DPF3: variants seen among roughly 807,000 people sequenced by gnomAD.
The protein encoded by DPF3 is double PHD fingers 3, also known as zinc finger protein DPF3.
A neutral mutation model predicts 56.8 loss-of-function variants in DPF3; 18 were observed. The observed-to-expected ratio is 0.32, with a 90% CI of 0.22 to 0.47. The LOEUF (loss-of-function observed/expected upper bound fraction) is 0.47. Among genes scored for constraint, DPF3 ranks in the 20% least tolerant of loss-of-function variants. The pLI is 1.00. For synonymous variants in DPF3, 188 were observed against 180.2 expected (o/e 1.04, Z -0.35); for missense variants, 403 against 488.8 (o/e 0.82, Z 1.65).
chr14:72,893,620 G>A (rs1271777205), intron 1 of DPF3, among the ~76,000 whole-genome samples: 1 of 151,798 alleles, frequency 6.6e-6, no homozygotes, highest in African/African-American at 2.4e-5. Context: ...GCTCGGGGGC[G>A]CGGGGCTCGG....
At chr14:72,778,386 C>T (rs920332002) in intron 1 of DPF3, among the ~76,000 whole-genome samples, 1 of 152,178 alleles carries the variant, frequency 6.6e-6, no homozygotes, top group African/African-American at 2.4e-5. Context: ...AGGTTGCCCA[C>T]TCCTTATGAG....
intron 1 of DPF3, among the ~76,000 whole-genome samples, chr14:72,818,472 G>A (rs1191751991): frequency 1.3e-5 from 2 of 152,134 alleles, no homozygotes; most frequent in African/African-American, 4.8e-5. Flanking sequence ...TTGAGACCAG[G>A]AATTCCAGAC....
intron 1 of DPF3, chr14:72,836,427 C>T: frequency 2.0e-6 from 2 of 985,610 alleles, no homozygotes; most frequent in Non-Finnish European, 2.4e-6. Flanking sequence ...GATAAGCGCA[C>T]CCTCCTCCAT....
chr14:72,675,017 T>C (rs1886849258), intron 7 of DPF3, among the ~76,000 whole-genome samples: 1 of 152,138 alleles, frequency 6.6e-6, no homozygotes, highest in South Asian at 2.1e-4. Flanking sequence ...GTGCCTAAAA[T>C]CAGAACTAGA....
chr14:72,868,111 G>C (rs1247699831), intron 1 of DPF3, among the ~76,000 whole-genome samples: 1 of 152,138 alleles, frequency 6.6e-6, no homozygotes, highest in East Asian at 1.9e-4. Context: ...GATCTTTTGA[G>C]CCCTCAAAAA....
intron 1 of DPF3, among the ~76,000 whole-genome samples, chr14:72,854,941 C>T (rs914007413): frequency 5.3e-5 from 8 of 152,124 alleles, no homozygotes; most frequent in African/African-American, 1.9e-4. Context: ...CTCTCCTTTC[C>T]AAGACTAATT....
chr14:72,675,131 C>G (rs990466799), intron 7 of DPF3, among the ~76,000 whole-genome samples: 1 of 152,220 alleles, frequency 6.6e-6, no homozygotes, highest in Non-Finnish European at 1.5e-5. Context: ...TAACTGAACA[C>G]ACTAACTTCA....
At chr14:72,658,158 A>C (rs377411004) in intron 8 of DPF3, among the ~76,000 whole-genome samples, 7 of 152,274 alleles carry the variant, frequency 4.6e-5, no homozygotes, top group East Asian at 3.9e-4. Flanking sequence ...GTGTAATCAG[A>C]TTGTTCATAA....
chr14:72,763,069 TA>T, intron 2 of DPF3, among the ~76,000 whole-genome samples: 1 of 152,032 alleles, frequency 6.6e-6, no homozygotes, highest in Non-Finnish European at 1.5e-5. Flanking sequence ...ATCTATACAC[TA>T]AAAATTAAAA....
chr14:72,732,039 G>A (rs1889677477), intron 3 of DPF3, 105 bp from the exon 4 acceptor site: 7 of 1,422,802 alleles, frequency 4.9e-6, no homozygotes, highest in Admixed American at 4.7e-5. Context: ...AGGAGGACTC[G>A]GGGCCTGTGC....
At chr14:72,865,370 T>C (rs77933644) in intron 1 of DPF3, among the ~76,000 whole-genome samples, 108 of 152,194 alleles carry the variant, frequency 7.1e-4, no homozygotes, top group African/African-American at 2.3e-3. Context: ...AACCAGGCCA[T>C]GGGAGCATGA....
At chr14:72,834,606 A>G (rs1884210729) in intron 1 of DPF3, among the ~76,000 whole-genome samples, 1 of 152,118 alleles carries the variant, frequency 6.6e-6, no homozygotes, top group Non-Finnish European at 1.5e-5. Context: ...TGGAACACAA[A>G]ATGCCACAGT....
intron 1 of DPF3, among the ~76,000 whole-genome samples, chr14:72,810,239 C>T (rs1882978537): frequency 2.6e-5 from 4 of 152,308 alleles, no homozygotes; most frequent in Admixed American, 6.5e-5. Flanking sequence ...GCAACATACC[C>T]GCCCCATCCC....
intron 1 of DPF3, among the ~76,000 whole-genome samples, chr14:72,838,428 A>T (rs899232094): frequency 3.3e-5 from 5 of 152,158 alleles, no homozygotes; most frequent in African/African-American, 1.2e-4. Context: ...CAGGAGGCGG[A>T]GGTTGCCATG....
intron 9 of DPF3, among the ~76,000 whole-genome samples, chr14:72,621,140 CA>C (rs36094507): frequency 0.45 from 55,062 of 121,876 alleles, 10,534 homozygotes; most frequent in East Asian, 0.78. Context: ...GACTCTGTCT[CA>C]AAAAAAAAAA....
chr14:72,676,115 G>C (rs557310200), intron 7 of DPF3, among the ~76,000 whole-genome samples: 2 of 152,282 alleles, frequency 1.3e-5, no homozygotes, highest in East Asian at 1.9e-4. Flanking sequence ...ACAAGATATG[G>C]ATGGAAAACT....
intron 1 of DPF3, among the ~76,000 whole-genome samples, chr14:72,781,945 T>C (rs1312396190): frequency 6.6e-6 from 1 of 152,162 alleles, no homozygotes; most frequent in Non-Finnish European, 1.5e-5. Context: ...ATTTCATTGA[T>C]TGAGAAAATA....
intron 6 of DPF3, among the ~76,000 whole-genome samples, chr14:72,707,931 A>G (rs1888477417): frequency 6.6e-6 from 1 of 152,134 alleles, no homozygotes; most frequent in Non-Finnish European, 1.5e-5. Flanking sequence ...TCTGCAATGA[A>G]CAAATACTAT....
intron 2 of DPF3, among the ~76,000 whole-genome samples, chr14:72,756,644 C>G (rs1890801656): frequency 6.6e-6 from 1 of 152,036 alleles, no homozygotes; most frequent in African/African-American, 2.4e-5. Flanking sequence ...GAAACCTCAT[C>G]TCTATCAAAA....
Sources: allele counts gnomAD v4.1 joint callset (sites outside exome capture counted in the v4.1 genomes callset), GRCh38; gene constraint gnomAD v4.1.1; transcripts MANE v1.5; gene names NCBI Gene and HGNC (gene_info 2026-07-23, HGNC 2026-07-21).